Variants in EHBP1 observed in about 807,000 individuals in gnomAD.
The protein encoded by EHBP1 is EH domain-binding protein 1.
Under a neutral mutation model 144.0 loss-of-function variants are expected in EHBP1, and 55 were observed. The ratio of observed to expected loss-of-function variants is 0.38; its 90% CI spans 0.31 to 0.48. The LOEUF (loss-of-function observed/expected upper bound fraction) is 0.48. Ranked by LOEUF, EHBP1 falls within the 20% of genes least tolerant of loss-of-function variation. The pLI, the probability that EHBP1 is intolerant of heterozygous loss-of-function variation, is 0.98. For missense variants in EHBP1, 1,200 were observed against 1,364.2 expected (o/e 0.88, Z 1.90); for synonymous variants, 469 against 472.7 (o/e 0.99, Z 0.10).
chr2:62,744,950 A>G (rs536365957), intron 2 of EHBP1, among the ~76,000 whole-genome samples: 2 of 152,094 alleles, frequency 1.3e-5, no homozygotes, highest in Non-Finnish European at 2.9e-5. Context: ...CACCAGACCA[A>G]TTAAATCAGA....
chr2:62,701,028 G>A (rs943940544), upstream of EHBP1, among the ~76,000 whole-genome samples: 1 of 152,102 alleles, frequency 6.6e-6, no homozygotes, highest in Admixed American at 6.5e-5. Context: ...GAATAGGGTG[G>A]GATTAGGTCC....
At chr2:62,972,610 T>G (rs906798057) in intron 14 of EHBP1, among the ~76,000 whole-genome samples, 2 of 152,174 alleles carry the variant, frequency 1.3e-5, no homozygotes, top group African/African-American at 4.8e-5. Flanking sequence ...TCTCAGTTGG[T>G]TTTTTGTCTT....
chr2:62,806,541 T>G (rs975035634), intron 5 of EHBP1, among the ~76,000 whole-genome samples: 7 of 151,976 alleles, frequency 4.6e-5, no homozygotes, highest in Admixed American at 2.6e-4. Flanking sequence ...CCACTAATTT[T>G]TTCATAGAGA....
At chr2:62,937,677 C>T (rs1032021670) in intron 10 of EHBP1, among the ~76,000 whole-genome samples, 4 of 151,992 alleles carry the variant, frequency 2.6e-5, no homozygotes, top group South Asian at 2.1e-4. Flanking sequence ...GTGCTTGGGA[C>T]GGAAGATATT....
chr2:63,034,397 C>T (rs1385535456), intron 19 of EHBP1, among the ~76,000 whole-genome samples: 1 of 151,568 alleles, frequency 6.6e-6, no homozygotes, highest in East Asian at 1.9e-4. Flanking sequence ...TATTGTTGGT[C>T]TAGGTGACAA....
At chr2:62,905,273 A>G (rs1299617031) in intron 10 of EHBP1, among the ~76,000 whole-genome samples, 1 of 152,188 alleles carries the variant, frequency 6.6e-6, no homozygotes, top group Non-Finnish European at 1.5e-5. Context: ...AGGACAAGGA[A>G]GGAGGAAAGA....
At chr2:62,764,240 T>G in intron 3 of EHBP1, 26 bp from the exon 4 acceptor site, 1 of 1,478,302 alleles carries the variant, frequency 6.8e-7, no homozygotes, top group Non-Finnish European at 9.1e-7. Flanking sequence ...TACTTCATAT[T>G]GAAGGTATCA....
chr2:63,037,953 A>G (rs903296804), intron 20 of EHBP1, among the ~76,000 whole-genome samples: 3 of 152,146 alleles, frequency 2.0e-5, no homozygotes, highest in African/African-American at 7.2e-5. Context: ...AAATAAAATT[A>G]AAGTTTATTT....
chr2:62,685,832 C>A (rs1020107232), intron 1 of EHBP1, among the ~76,000 whole-genome samples: 4 of 152,174 alleles, frequency 2.6e-5, no homozygotes, highest in African/African-American at 9.6e-5. Context: ...CTTCTCATCA[C>A]TGAGATCATC....
chr2:62,747,710 A>G (rs1250229854), intron 3 of EHBP1, among the ~76,000 whole-genome samples: 1 of 151,990 alleles, frequency 6.6e-6, no homozygotes, highest in Non-Finnish European at 1.5e-5. Context: ...ATGTAATAGA[A>G]TAGGTTGGTG....
chr2:62,819,079 C>A (rs982476024), intron 5 of EHBP1, among the ~76,000 whole-genome samples: 2 of 152,066 alleles, frequency 1.3e-5, no homozygotes, highest in African/African-American at 2.4e-5. Flanking sequence ...GGCCTATATG[C>A]TCCATGAATA....
chr2:62,937,685 A>G (rs987804280), intron 10 of EHBP1, among the ~76,000 whole-genome samples: 2 of 152,132 alleles, frequency 1.3e-5, no homozygotes, highest in African/African-American at 4.8e-5. Flanking sequence ...GACGGAAGAT[A>G]TTTCATGTAG....
intron 10 of EHBP1, among the ~76,000 whole-genome samples, chr2:62,876,462 C>G (rs12991414): frequency 6.6e-6 from 1 of 152,128 alleles, no homozygotes; most frequent in Non-Finnish European, 1.5e-5. Flanking sequence ...ACCTGCCTTA[C>G]AGGAGGTCCT....
chr2:62,946,976 G>C (rs1362522069), intron 12 of EHBP1, among the ~76,000 whole-genome samples: 1 of 152,150 alleles, frequency 6.6e-6, no homozygotes, highest in Non-Finnish European at 1.5e-5. Flanking sequence ...CAATATGTCA[G>C]TGTTTTTAGA....
intron 5 of EHBP1, among the ~76,000 whole-genome samples, chr2:62,804,394 A>C (rs541719101): frequency 6.6e-6 from 1 of 152,206 alleles, no homozygotes; most frequent in African/African-American, 2.4e-5. Flanking sequence ...TACTGGGACT[A>C]TTTGGGAAAA....
chr2:62,898,894 A>G (rs1241638091), intron 10 of EHBP1, among the ~76,000 whole-genome samples: 1 of 152,156 alleles, frequency 6.6e-6, no homozygotes, highest in Non-Finnish European at 1.5e-5. Context: ...TTGGTTTTAG[A>G]TAGACTAAGT....
At chr2:62,786,607 C>T (rs893047774) in intron 5 of EHBP1, among the ~76,000 whole-genome samples, 5 of 152,096 alleles carry the variant, frequency 3.3e-5, no homozygotes, top group African/African-American at 1.2e-4. Flanking sequence ...TTTAGTTTTG[C>T]CTGGAGTTTG....
At chr2:62,880,873 T>A (rs2051346007) in intron 10 of EHBP1, among the ~76,000 whole-genome samples, 1 of 152,040 alleles carries the variant, frequency 6.6e-6, no homozygotes. Flanking sequence ...TTAAAACAGA[T>A]CTACCATTGC....
At chr2:62,941,046 ATGCT>A (rs2056728547) in intron 10 of EHBP1, among the ~76,000 whole-genome samples, 2 of 152,150 alleles carry the variant, frequency 1.3e-5, no homozygotes, top group South Asian at 4.1e-4. Context: ...TGTATTACCC[ATGCT>A]TGGACTGAAT....
Sources: gnomAD v4.1 joint callset for allele counts (sites outside exome capture counted in the v4.1 genomes callset) on GRCh38, gnomAD v4.1.1 for gene constraint, MANE v1.5 for transcripts, NCBI Gene and HGNC (gene_info 2026-07-23, HGNC 2026-07-21) for gene names.